Variants in SYCE2 observed in about 807,000 individuals in gnomAD.
SYCE2 encodes synaptonemal complex central element protein 2, also known as central element synaptonemal complex 1.
SYCE2 carries 3 observed loss-of-function variants against 27.9 expected under a neutral mutation model. That is an observed-to-expected ratio of 0.11 (90% confidence interval 0.05 to 0.28). The LOEUF (loss-of-function observed/expected upper bound fraction) is 0.28, where lower values mean the gene tolerates loss of function less well. Ranked by LOEUF, SYCE2 falls within the 10% of genes least tolerant of loss-of-function variation. The pLI, the probability that SYCE2 is intolerant of heterozygous loss-of-function variation, is 1.00. For missense variants in SYCE2, 207 were observed against 263.5 expected (o/e 0.79, Z 1.48); for synonymous variants, 85 against 100.7 (o/e 0.84, Z 0.93).
chr19:12,912,384 C>A (rs891061927), intron 2 of SYCE2, among the ~76,000 whole-genome samples: 2 of 152,058 alleles, frequency 1.3e-5, no homozygotes, highest in African/African-American at 4.8e-5. Flanking sequence ...CTCTACCCCC[C>A]GCTATACCTA....
rs1487704074 is a variant in SYCE2, at chr19:12,904,739, T to A, written c.132-73A>T. On this transcript the variant is annotated intron_variant, in intron 2 of 5. Coordinates refer to ENST00000293695, the MANE Select transcript of SYCE2 (RefSeq NM_001105578.2). Reference sequence around the variant, plus strand: ...GGAAGCGGCCAGGTGTAGTCGCTCATGCCTGTAATCTCAGCACTTTGTAGG... The same window carrying A: ...GGAAGCGGCCAGGTGTAGTCGCTCAAGCCTGTAATCTCAGCACTTTGTAGG... 3.9e-6 allele frequency: 6 copies of A among 1,552,440 alleles called. No individual in the cohort carries two copies. In the African/African-American group the frequency reaches 8.1e-5, roughly 21 times the overall value.
intron 3 of SYCE2, among the ~76,000 whole-genome samples, chr19:12,903,684 C>T (rs1228700326): frequency 6.6e-6 from 1 of 152,034 alleles, no homozygotes; most frequent in East Asian, 1.9e-4. Context: ...CACACCTGGC[C>T]CCTATTTATT....
At chr19:12,899,440 A>C (rs770133763) in intron 5 of SYCE2, 55 bp from the exon 6 acceptor site, 1 of 1,614,172 alleles carries the variant, frequency 6.2e-7, no homozygotes, top group Admixed American at 1.7e-5. Flanking sequence ...TGAAAACTCC[A>C]AACCGACTCT....
intron 2 of SYCE2, among the ~76,000 whole-genome samples, chr19:12,909,360 T>G (rs1186804269): frequency 6.6e-6 from 1 of 152,140 alleles, no homozygotes; most frequent in Non-Finnish European, 1.5e-5. Flanking sequence ...CAAAGGCATC[T>G]GAAACTCCAC....
intron 3 of SYCE2, among the ~76,000 whole-genome samples, chr19:12,901,545 A>G (rs1457227887): frequency 6.6e-6 from 1 of 152,092 alleles, no homozygotes; most frequent in Non-Finnish European, 1.5e-5. Context: ...AAGAAAAGAA[A>G]AACACCAAAA....
chr19:12,905,047 T>C (rs1009559065), intron 2 of SYCE2, among the ~76,000 whole-genome samples: 8 of 151,480 alleles, frequency 5.3e-5, no homozygotes, highest in African/African-American at 1.9e-4. Context: ...ACCAGACTCT[T>C]CCAAGAGCGG....
intron 4 of SYCE2, 128 bp downstream of exon 4, chr19:12,900,331 AG>A (rs1970809326): frequency 7.9e-6 from 9 of 1,135,148 alleles, no homozygotes; most frequent in Middle Eastern, 3.0e-4. Flanking sequence ...GAGTGCACCA[AG>A]GGCTTTGCAG....
At position 12,900,151 on chromosome 19, in the gene SYCE2, C is replaced by T. The variant is rs368767319; in HGVS notation, c.496-31G>A. The stretch of plus-strand genomic sequence containing the variant: ...AAAAAGAAACCCAGGTTAGCAGTGC[C>T]GGTCTGTGCCAGGGCTGTGGGCAGA... On this transcript the variant is annotated intron_variant, in intron 4 of 5. Transcript: ENST00000293695. 417 of 1,592,580 alleles carry T rather than the reference C, an allele frequency of 2.6e-4. 2 individuals carry two copies. Among genetic ancestry groups the T allele is most frequent in the East Asian group, 3.6e-4 (16 of 44,688 alleles).
intron 2 of SYCE2, among the ~76,000 whole-genome samples, chr19:12,917,454 T>C (rs1282906122): frequency 2.0e-5 from 3 of 152,060 alleles, no homozygotes; most frequent in African/African-American, 7.2e-5. Flanking sequence ...CCTCTGCCTC[T>C]GGGGTTCAAG....
intron 2 of SYCE2, among the ~76,000 whole-genome samples, chr19:12,909,984 G>A (rs1247033533): frequency 2.6e-5 from 4 of 151,358 alleles, no homozygotes; most frequent in East Asian, 3.9e-4. Context: ...CTCTTGCCTC[G>A]GCCTCCCAAG....
intron 2 of SYCE2, among the ~76,000 whole-genome samples, chr19:12,908,425 C>T (rs934510296): frequency 6.6e-6 from 1 of 151,764 alleles, no homozygotes. Context: ...CCCGGGTTCA[C>T]GCCATTCTCT....
At chr19:12,915,601 C>CA (rs71168634) in intron 2 of SYCE2, among the ~76,000 whole-genome samples, 24,921 of 80,812 alleles carry the variant, frequency 0.31, 3,249 homozygotes, top group East Asian at 0.67. Context: ...GACTCCATCT[C>CA]AAAAAAAAAA....
At position 12,899,180 on chromosome 19, in the gene SYCE2, C is replaced by G; in HGVS notation, c.*161G>C. 1.5e-6 allele frequency: 1 copy of G among 668,418 alleles called. No homozygotes were observed. The highest frequency in any genetic ancestry group is 2.6e-6 in the Non-Finnish European group (1 of 386,966). 41.4% of individuals were successfully genotyped at this position (668,418 alleles called of 1,614,324 possible). ...GGGCCTATGGCAGGGGCTGGACTTG[C>G]TACATTTTGGGAGTTCAGCACAAGG... On this transcript the variant is annotated 3_prime_UTR_variant, in exon 6 of 6. Coordinates refer to ENST00000293695, the MANE Select transcript of SYCE2 (RefSeq NM_001105578.2).
At chr19:12,916,760 C>T (rs538283548) in intron 2 of SYCE2, among the ~76,000 whole-genome samples, 1 of 152,104 alleles carries the variant, frequency 6.6e-6, no homozygotes, top group East Asian at 1.9e-4. Context: ...CGCACCACAC[C>T]ACGCTCATTT....
intron 2 of SYCE2, among the ~76,000 whole-genome samples, chr19:12,913,268 C>T (rs958859749): frequency 1.3e-5 from 2 of 152,194 alleles, no homozygotes; most frequent in African/African-American, 2.4e-5. Flanking sequence ...GGCAGGGGGC[C>T]CAGGAGCTGC....
At position 12,918,290 on chromosome 19, in the gene SYCE2, C is replaced by T. The variant is rs755495109; in HGVS notation, c.63G>A (p.Leu21=). Residue 21 remains leucine, a synonymous_variant, in exon 2 of 6, where the codon TTG becomes TTA. Coordinates refer to ENST00000293695, the MANE Select transcript of SYCE2 (RefSeq NM_001105578.2). ...VKCKDQEPQP[L]GESKEHPRWE... is the part of the protein sequence containing the mutation. ...ACCGCGGATGCTCCTTGCTCTCCCC[C>T]AAGGGCTGCGGTTCCTGGTCTTTGC... The T allele has an allele frequency of 3.7e-6, 6 of 1,614,196 alleles. No individual in the cohort carries two copies. The highest frequency in any genetic ancestry group is 3.3e-5 in the Admixed American group (2 of 60,016).
chr19:12,899,535 C>T (rs772406272), intron 5 of SYCE2, 150 bp from the exon 6 acceptor site: 7 of 1,614,162 alleles, frequency 4.3e-6, no homozygotes, highest in Non-Finnish European at 5.1e-6. Flanking sequence ...TCACGGCCAG[C>T]AAGTGAGCCG....
intron 2 of SYCE2, among the ~76,000 whole-genome samples, chr19:12,907,894 G>C (rs1019909396): frequency 1.3e-5 from 2 of 152,104 alleles, no homozygotes; most frequent in African/African-American, 4.8e-5. Context: ...CAGGTGAATC[G>C]TGAGCTCAGG....
intron 2 of SYCE2, among the ~76,000 whole-genome samples, chr19:12,917,287 C>T (rs1171931468): frequency 6.6e-6 from 1 of 152,080 alleles, no homozygotes; most frequent in East Asian, 1.9e-4. Flanking sequence ...AACTCCTGAC[C>T]TCATGATCTG....
Sources: gnomAD v4.1 joint callset for allele counts (sites outside exome capture counted in the v4.1 genomes callset) on GRCh38, gnomAD v4.1.1 for gene constraint, MANE v1.5 for transcripts, NCBI Gene and HGNC (gene_info 2026-07-23, HGNC 2026-07-21) for gene names.